CLIP1: variants seen among roughly 807,000 people sequenced by gnomAD.
CLIP1 encodes CAP-Gly domain-containing linker protein 1.
A neutral mutation model predicts 161.6 loss-of-function variants in CLIP1; 66 were observed. The observed-to-expected ratio is 0.41, with a 90% CI of 0.33 to 0.50. CLIP1 has a LOEUF of 0.50. Ranked by LOEUF, CLIP1 falls within the 20% of genes least tolerant of loss-of-function variation. CLIP1 has a pLI of 0.27. For synonymous variants in CLIP1, 598 were observed against 626.2 expected (o/e 0.96, Z 0.67); for missense variants, 1,376 against 1,702.0 (o/e 0.81, Z 3.37).
At chr12:122,284,444 C>G (rs1465745623) in intron 21 of CLIP1, among the ~76,000 whole-genome samples, 1 of 151,950 alleles carries the variant, frequency 6.6e-6, no homozygotes, top group Non-Finnish European at 1.5e-5. Context: ...CCTCTGCATC[C>G]CGGGTTGAAG....
chr12:122,361,061 C>T lies in CLIP1; in HGVS notation c.903G>A (p.Ala301=), dbSNP rs115643125. The change falls in exon 5 of 26, where the codon GCG becomes GCA. Residue 301 remains alanine, a synonymous_variant. Coordinates refer to ENST00000620786, the MANE Select transcript of CLIP1 (RefSeq NM_001247997.2). Reference sequence around the variant, plus strand: ...TGCGCTTCAGGCTGGCGGACGTGGTCGCCATCACTCGCCTCACTGCGTTGG... The same window carrying T: ...TGCGCTTCAGGCTGGCGGACGTGGTTGCCATCACTCGCCTCACTGCGTTGG... ...AKANAVRRVM[A]TTSASLKRSP... 536 of 1,614,192 alleles carry T rather than the reference C, an allele frequency of 3.3e-4. 2 individuals are homozygous for T. In the African/African-American group the frequency reaches 6.4e-3, roughly 19 times the overall value.
At chr12:122,352,407 C>T (rs775689162) in intron 8 of CLIP1, among the ~76,000 whole-genome samples, 5 of 152,126 alleles carry the variant, frequency 3.3e-5, no homozygotes, top group East Asian at 1.9e-4. Flanking sequence ...AATCATCAGA[C>T]GAACACCATT....
At chr12:122,387,098 C>T (rs1593219325) in intron 1 of CLIP1, among the ~76,000 whole-genome samples, 1 of 152,164 alleles carries the variant, frequency 6.6e-6, no homozygotes, top group African/African-American at 2.4e-5. Context: ...CTCCACATTG[C>T]CCAGAATGGT....
At chr12:122,359,869 T>C (rs1953691722) in intron 5 of CLIP1, among the ~76,000 whole-genome samples, 2 of 152,184 alleles carry the variant, frequency 1.3e-5, no homozygotes, top group African/African-American at 4.8e-5. Flanking sequence ...AGACCTGAAC[T>C]CAGTCTGAGG....
chr12:122,303,592 T>C (rs1272731823), intron 20 of CLIP1, among the ~76,000 whole-genome samples: 1 of 152,222 alleles, frequency 6.6e-6, no homozygotes, highest in Admixed American at 6.5e-5. Flanking sequence ...CAGTGTTCTA[T>C]GCACATCACT....
At chr12:122,385,210 C>T (rs1955201875) in intron 1 of CLIP1, among the ~76,000 whole-genome samples, 2 of 151,826 alleles carry the variant, frequency 1.3e-5, no homozygotes, top group East Asian at 1.9e-4. Flanking sequence ...GGGTTACAGG[C>T]GTGAGACACC....
At chr12:122,368,535 CT>C (rs1954278570) in intron 3 of CLIP1, among the ~76,000 whole-genome samples, 2 of 152,124 alleles carry the variant, frequency 1.3e-5, no homozygotes, top group Admixed American at 1.3e-4. Flanking sequence ...GTGCATAAAG[CT>C]ATAAAATGTC....
At chr12:122,293,866 G>A (rs1221408709) in intron 20 of CLIP1, among the ~76,000 whole-genome samples, 7 of 149,420 alleles carry the variant, frequency 4.7e-5, no homozygotes, top group East Asian at 2.0e-4. Flanking sequence ...GTGCAGCGGC[G>A]CAATCTCGGC....
intron 2 of CLIP1, among the ~76,000 whole-genome samples, chr12:122,378,772 A>G (rs769373717): frequency 3.3e-5 from 5 of 152,100 alleles, no homozygotes; most frequent in Non-Finnish European, 7.4e-5. Context: ...AGGTGGGTGG[A>G]TCATTTGAGG....
rs865839082 is a variant in CLIP1 at position 122,404,915 on chromosome 12, A to C, written c.-107+17606T>G. On this transcript the variant is annotated intron_variant, in intron 1 of 25. Transcript: ENST00000620786. ...ACTCCATCTCAAAAAAAAAAAACAA[A>C]ACAAAAAAAAACCAACATGGTGCCA... 1.7e-3 allele frequency among the ~76,000 whole-genome samples: 257 copies of C among 150,536 alleles called. 1 individual carries two copies. Among genetic ancestry groups the C allele is most frequent in the East Asian group, 3.7e-3 (19 of 5,158 alleles).
rs556705025 is a variant in CLIP1, at chr12:122,378,829, T to C, written c.86-869A>G. On this transcript the variant is annotated intron_variant, in intron 2 of 25. Coordinates refer to ENST00000620786, the MANE Select transcript of CLIP1 (RefSeq NM_001247997.2). ...AGTCAACATGATGAAACCCCATTCC[T>C]ACTAAAAAATATAGGGCCGGGTGCA... Among the ~76,000 whole-genome samples, 3 of 151,990 alleles carry C rather than the reference T, an allele frequency of 2.0e-5. No individual in the cohort carries two copies. The East Asian group carries it at 5.8e-4, about 29-fold the overall frequency.
intron 10 of CLIP1, among the ~76,000 whole-genome samples, chr12:122,347,143 T>A (rs1952789239): frequency 6.6e-6 from 1 of 152,226 alleles, no homozygotes; most frequent in Non-Finnish European, 1.5e-5. Flanking sequence ...AAGTTTCTGA[T>A]CCTGATTTGG....
At chr12:122,301,816 T>A (rs571421719) in intron 20 of CLIP1, among the ~76,000 whole-genome samples, 2 of 152,248 alleles carry the variant, frequency 1.3e-5, no homozygotes, top group South Asian at 4.1e-4. Flanking sequence ...TTTTGATTCA[T>A]GTCTTGCTTG....
chr12:122,378,139 T>C (rs1488413817), intron 2 of CLIP1, among the ~76,000 whole-genome samples, 179 bp from the exon 3 acceptor site: 1 of 152,210 alleles, frequency 6.6e-6, no homozygotes, highest in Non-Finnish European at 1.5e-5. Flanking sequence ...CAGGCTAGAA[T>C]GCAGTGGTGT....
chr12:122,339,291 A>G (rs1253767349), intron 11 of CLIP1, among the ~76,000 whole-genome samples: 1 of 152,120 alleles, frequency 6.6e-6, no homozygotes, highest in Non-Finnish European at 1.5e-5. Flanking sequence ...AAGGGCTCCA[A>G]GCTCTTACCC....
At chr12:122,414,621 T>C (rs1471451495) in intron 1 of CLIP1, among the ~76,000 whole-genome samples, 1 of 152,034 alleles carries the variant, frequency 6.6e-6, no homozygotes. Context: ...CCTGCCACCA[T>C]GCCTGGTTAA....
At chr12:122,360,517 G>A (rs775513950) in intron 5 of CLIP1, among the ~76,000 whole-genome samples, 4 of 151,806 alleles carry the variant, frequency 2.6e-5, no homozygotes, top group Non-Finnish European at 4.4e-5. Context: ...AGCCTGGGAC[G>A]TTGAGGCTGG....
At chr12:122,359,090 T>C (rs916457372) in intron 5 of CLIP1, among the ~76,000 whole-genome samples, 1 of 151,022 alleles carries the variant, frequency 6.6e-6, no homozygotes. Context: ...TAAAAACAAA[T>C]AAAGAATGAA....
chr12:122,283,753 A>G (rs1312866331), intron 21 of CLIP1, among the ~76,000 whole-genome samples: 1 of 152,114 alleles, frequency 6.6e-6, no homozygotes, highest in Admixed American at 6.6e-5. Flanking sequence ...GCCGGATTCT[A>G]ATTTCTTCAT....
Sources: allele counts gnomAD v4.1 joint callset (sites outside exome capture counted in the v4.1 genomes callset), GRCh38; gene constraint gnomAD v4.1.1; transcripts MANE v1.5; gene names NCBI Gene and HGNC (gene_info 2026-07-23, HGNC 2026-07-21).